BCL2L13: variants seen among roughly 807,000 people sequenced by gnomAD.
The protein encoded by BCL2L13 is bcl-2-like protein 13.
A neutral mutation model predicts 25.8 loss-of-function variants in BCL2L13; 13 were observed. That is an observed-to-expected ratio of 0.50 (90% CI 0.33 to 0.80). The LOEUF (loss-of-function observed/expected upper bound fraction) is 0.80, where lower values mean the gene tolerates loss of function less well. Among genes scored for constraint, BCL2L13 ranks in the 30% least tolerant of loss-of-function variants. The pLI, the probability that BCL2L13 is intolerant of heterozygous loss-of-function variation, is 0.02. For missense variants in BCL2L13, 504 were observed against 574.9 expected, an observed-to-expected ratio of 0.88 and a Z score of 1.26; for synonymous variants, 244 against 230.3, an observed-to-expected ratio of 1.06 and a Z score of -0.54.
At chr22:17,690,044 A>C (rs1015914149) in intron 4 of BCL2L13, among the ~76,000 whole-genome samples, 3 of 151,744 alleles carry the variant, frequency 2.0e-5, no homozygotes, top group Admixed American at 1.3e-4. Flanking sequence ...CAAATCATTT[A>C]TTATAAATAT....
chr22:17,719,689 C>T (rs561620431), intron 6 of BCL2L13, among the ~76,000 whole-genome samples: 2 of 151,830 alleles, frequency 1.3e-5, no homozygotes, highest in East Asian at 1.9e-4. Flanking sequence ...ATTAGCTGGG[C>T]GTGGTGGTGG....
At chr22:17,704,651 T>C (rs2060537738) in intron 6 of BCL2L13, among the ~76,000 whole-genome samples, 1 of 151,854 alleles carries the variant, frequency 6.6e-6, no homozygotes, top group African/African-American at 2.4e-5. Flanking sequence ...CTGAAGATGA[T>C]GTGGAATGAG....
chr22:17,673,965 T>C (rs982751035), intron 2 of BCL2L13, among the ~76,000 whole-genome samples: 3 of 152,152 alleles, frequency 2.0e-5, no homozygotes. Context: ...GTGGTAGCTG[T>C]CAAGTATTTG....
At chr22:17,705,719 G>A (rs1009934244) in intron 6 of BCL2L13, among the ~76,000 whole-genome samples, 1 of 152,116 alleles carries the variant, frequency 6.6e-6, no homozygotes, top group African/African-American at 2.4e-5. Context: ...AACCCTTCCA[G>A]AAGAGAATCA....
chr22:17,642,391 T>G (rs1358368739), intron 1 of BCL2L13, among the ~76,000 whole-genome samples: 2 of 151,478 alleles, frequency 1.3e-5, no homozygotes, highest in African/African-American at 4.9e-5. Context: ...GCTCCTGATC[T>G]CAGGTGATCC....
chr22:17,692,067 G>A lies in BCL2L13; in HGVS notation c.386+2925G>A, dbSNP rs567957495. On this transcript the variant is annotated intron_variant, in intron 4 of 6. Transcript: ENST00000317582. ...TACATAAACTAGAAGTATTATAAAC[G>A]TTGAAGGCAGTATCGTAAGGTAGAA... 9.2e-5 allele frequency among the ~76,000 whole-genome samples: 14 copies of A among 152,236 alleles called. No homozygotes were observed. In the South Asian group the frequency reaches 2.3e-3, roughly 25 times the overall value.
At chr22:17,676,627 C>T (rs766428185) in intron 2 of BCL2L13, among the ~76,000 whole-genome samples, 2 of 152,226 alleles carry the variant, frequency 1.3e-5, no homozygotes, top group African/African-American at 4.8e-5. Flanking sequence ...TAGCATGGGC[C>T]GTGAATTAAT....
chr22:17,696,998 C>T (rs1387657394), intron 5 of BCL2L13, among the ~76,000 whole-genome samples: 1 of 152,054 alleles, frequency 6.6e-6, no homozygotes, highest in East Asian at 1.9e-4. Flanking sequence ...TAGACACCTA[C>T]CTCTATTTGG....
chr22:17,660,920 G>T (rs2059044093), intron 2 of BCL2L13, among the ~76,000 whole-genome samples: 1 of 144,688 alleles, frequency 6.9e-6, no homozygotes, highest in South Asian at 2.1e-4. Context: ...AAGTAGCTGG[G>T]ACTACAGACG....
At chr22:17,646,208 A>G (rs1434831312) in intron 1 of BCL2L13, among the ~76,000 whole-genome samples, 4 of 151,520 alleles carry the variant, frequency 2.6e-5, no homozygotes, top group Non-Finnish European at 5.9e-5. Context: ...GTTACATATT[A>G]TGTTTAATAG....
At chr22:17,686,386 G>A (rs763324851) in intron 3 of BCL2L13, among the ~76,000 whole-genome samples, 1 of 151,964 alleles carries the variant, frequency 6.6e-6, no homozygotes, top group African/African-American at 2.4e-5. Context: ...GGAAGCATAG[G>A]TTGTAGTGAG....
intron 1 of BCL2L13, among the ~76,000 whole-genome samples, chr22:17,641,063 T>C (rs1469992814): frequency 1.3e-5 from 2 of 151,914 alleles, no homozygotes; most frequent in East Asian, 3.9e-4. Context: ...GCTAATTTTT[T>C]GTATTTTTAG....
intron 1 of BCL2L13, among the ~76,000 whole-genome samples, chr22:17,639,186 C>G (rs1434771545): frequency 1.3e-5 from 2 of 152,246 alleles, no homozygotes; most frequent in Non-Finnish European, 2.9e-5. Flanking sequence ...TCCTTCCCCA[C>G]AGACAGCTTC....
intron 2 of BCL2L13, among the ~76,000 whole-genome samples, chr22:17,660,847 C>A (rs979593731): frequency 6.9e-6 from 1 of 145,766 alleles, no homozygotes; most frequent in African/African-American, 2.4e-5. Flanking sequence ...TGCAGTGGCA[C>A]CATCTTGGCT....
intron 2 of BCL2L13, among the ~76,000 whole-genome samples, chr22:17,657,819 A>ATTT (rs2058926783): frequency 1.1e-4 from 5 of 46,246 alleles, no homozygotes; most frequent in South Asian, 7.8e-4. Flanking sequence ...CCTGGTTGAC[A>ATTT]TTTCTTTTTT....
intron 6 of BCL2L13, among the ~76,000 whole-genome samples, chr22:17,724,368 C>T (rs1184973055): frequency 6.6e-6 from 1 of 152,204 alleles, no homozygotes; most frequent in East Asian, 1.9e-4. Flanking sequence ...TATCCAGATT[C>T]GCACAGCTGG....
chr22:17,689,855 A>C (rs1442087544), intron 4 of BCL2L13, among the ~76,000 whole-genome samples: 19 of 151,486 alleles, frequency 1.3e-4, no homozygotes, highest in South Asian at 4.2e-4. Context: ...AAAAAAAAAA[A>C]AAAAACCCAA....
intron 2 of BCL2L13, among the ~76,000 whole-genome samples, chr22:17,674,963 A>G (rs926620397): frequency 6.6e-6 from 1 of 152,190 alleles, no homozygotes; most frequent in Non-Finnish European, 1.5e-5. Context: ...TATAGTAGGA[A>G]TAACAGATCA....
intron 6 of BCL2L13, among the ~76,000 whole-genome samples, chr22:17,719,827 CAA>C (rs60474373): frequency 5.5e-5 from 5 of 91,134 alleles, no homozygotes; most frequent in East Asian, 6.5e-4. Context: ...GACTCCATCT[CAA>C]AAAAAAAAAA....
Sources: allele counts gnomAD v4.1 joint callset (sites outside exome capture counted in the v4.1 genomes callset), GRCh38; gene constraint gnomAD v4.1.1; transcripts MANE v1.5; gene names NCBI Gene and HGNC (gene_info 2026-07-23, HGNC 2026-07-21).